Variants in SPTBN4 observed in about 807,000 individuals in gnomAD.
The protein encoded by SPTBN4 is spectrin beta chain, non-erythrocytic 4.
Under a neutral mutation model 277.8 loss-of-function variants are expected in SPTBN4, and 96 were observed. That is an observed-to-expected ratio of 0.35 (90% confidence interval 0.29 to 0.41). The LOEUF (loss-of-function observed/expected upper bound fraction) is 0.41, where lower values mean the gene tolerates loss of function less well. Ranked by LOEUF, SPTBN4 falls within the 10% of genes least tolerant of loss-of-function variation. The pLI, the probability that SPTBN4 is intolerant of heterozygous loss-of-function variation, is 1.00. For synonymous variants in SPTBN4, 1,481 were observed against 1,580.3 expected (o/e 0.94, Z 1.49); for missense variants, 3,006 against 3,595.7 (o/e 0.84, Z 4.19).
rs769416578 is a variant in SPTBN4, at chr19:40,534,163, G to A, written c.4179G>A (p.Ala1393=). The change falls in exon 20 of 36, where the codon GCG becomes GCA. Residue 1393 remains alanine, a synonymous_variant. Transcript: ENST00000598249. ...TGGGCGAGATCCGCCAGTGCTGGGC[G>A]GAGCTGGAGAGCACCACCCAGGCCA... The part of the protein sequence containing the change: ...KKLGEIRQCW[A]ELESTTQAKA... 1.2e-5 allele frequency: 20 copies of A among 1,613,300 alleles called. No homozygotes were observed. The highest frequency in any genetic ancestry group is 1.6e-4 in the Middle Eastern group (1 of 6,084).
chr19:40,560,451 C>T lies in SPTBN4; in HGVS notation c.5915+48C>T. 3.1e-6 allele frequency: 5 copies of T among 1,610,968 alleles called. No individual in the cohort carries two copies. The highest frequency in any genetic ancestry group is 1.3e-5 in the African/African-American group (1 of 74,992). On this transcript the variant is annotated intron_variant, in intron 27 of 35. Transcript: ENST00000598249. This position sits in a 1 kb window ranked among gnomAD's most constrained non-coding sequence, Gnocchi z 5.2. ...CTTCCTGCCTCCCCCTGGTGGCCTA[C>T]CCCAGCCACCCCCAGCCCATTGACA...
At chr19:40,497,751 T>C in intron 7 of SPTBN4, 147 bp downstream of exon 7, 1 of 662,450 alleles carries the variant, frequency 1.5e-6, no homozygotes, top group Non-Finnish European at 2.7e-6. Context: ...CCCAACTGTC[T>C]CCTCAGCCTC....
chr19:40,550,168 A>G, intron 21 of SPTBN4, 70 bp from the exon 22 acceptor site: 2 of 1,346,908 alleles, frequency 1.5e-6, no homozygotes, highest in Non-Finnish European at 2.1e-6. Context: ...GTGCAGGTTT[A>G]AAGTTTAGTT....
intron 15 of SPTBN4, among the ~76,000 whole-genome samples, chr19:40,517,328 C>T (rs1334696790): frequency 4.6e-5 from 7 of 150,906 alleles, no homozygotes; most frequent in Non-Finnish European, 2.9e-5. Context: ...CTTGCTCTTT[C>T]GCCCAGACTG....
intron 12 of SPTBN4, among the ~76,000 whole-genome samples, chr19:40,505,263 C>T (rs1041751868): frequency 6.8e-6 from 1 of 147,786 alleles, no homozygotes. Flanking sequence ...TGGTGGTGTG[C>T]GCTTGTAGTC....
At chr19:40,509,844 G>A (rs759779759) in intron 13 of SPTBN4, among the ~76,000 whole-genome samples, 5 of 152,190 alleles carry the variant, frequency 3.3e-5, no homozygotes, top group Non-Finnish European at 7.3e-5. Context: ...TGCAAATGCT[G>A]AAGTTTCCCT....
rs1321101171 is a variant in SPTBN4, at chr19:40,515,315, G to C, written c.2770G>C (p.Glu924Gln). 3.7e-6 allele frequency: 6 copies of C among 1,612,594 alleles called. No homozygotes were observed. Among genetic ancestry groups the C allele is most frequent in the Non-Finnish European group, 5.1e-6 (6 of 1,179,468 alleles). ...DDVEVVQHRF[E>Q]SLDQEMNSLM... is the part of the protein sequence containing the mutation. ...AGCATCTCCATCCTCCTGCAGATTC[G>C]AGAGCCTGGACCAAGAGATGAACAG... Residue 924 changes from glutamate (E) to glutamine (Q), a missense_variant, in exon 15 of 36, where the codon GAG (glutamate) becomes CAG (glutamine). By Grantham distance (29) the Glu-to-Gln change is conservative (BLOSUM62 2). This residue lies in a region of SPTBN4 where 1,759 missense variants were observed against 2,061.5 expected (regional missense o/e 0.85). Coordinates refer to ENST00000598249, the MANE Select transcript of SPTBN4 (RefSeq NM_020971.3). This position sits in a 1 kb window ranked among gnomAD's most constrained non-coding sequence, Gnocchi z 4.1.
intron 13 of SPTBN4, among the ~76,000 whole-genome samples, chr19:40,509,302 A>G (rs934908312): frequency 1.3e-5 from 2 of 151,926 alleles, no homozygotes; most frequent in East Asian, 3.9e-4. Flanking sequence ...CCAGATTGCA[A>G]TGGCGCGATC....
In SPTBN4 at chr19:40,484,518, T is replaced by G. The variant is rs77674554; in HGVS notation, c.170-3179T>G. 4.7e-3 allele frequency among the ~76,000 whole-genome samples: 716 copies of G among 152,314 alleles called. 4 individuals are homozygous for G. Among genetic ancestry groups the G allele is most frequent in the African/African-American group, 0.016 (672 of 41,572 alleles). On this transcript the variant is annotated intron_variant, in intron 2 of 35. Transcript: ENST00000598249. Reference sequence around the variant, plus strand: ...AAGACTTAGCTCAGAGAGGTCAGTGTACATTCCAGGTTAATTTCATCTTGT... The same window carrying G: ...AAGACTTAGCTCAGAGAGGTCAGTGGACATTCCAGGTTAATTTCATCTTGT...
Position 40,526,057 on chromosome 19 carries a change from T to A in SPTBN4, c.3857+2418T>A, listed in dbSNP as rs553787777. Reference sequence around the variant, plus strand: ...GCTGGGGACTGGGGCCCTGGGGCCCTGGGGGTCTTAGACCTGGCTTCACCC... The same window carrying A: ...GCTGGGGACTGGGGCCCTGGGGCCCAGGGGGTCTTAGACCTGGCTTCACCC... On this transcript the variant is annotated intron_variant, in intron 17 of 35. Transcript: ENST00000598249. 4.0e-5 allele frequency among the ~76,000 whole-genome samples: 6 copies of A among 151,898 alleles called. No homozygotes were observed. The East Asian group carries it at 1.2e-3, about 29-fold the overall frequency.
At position 40,511,251 on chromosome 19, in the gene SPTBN4, A is replaced by G. The variant is rs1462720216; in HGVS notation, c.1817-1355A>G. On this transcript the variant is annotated intron_variant, in intron 13 of 35. Transcript: ENST00000598249. The stretch of plus-strand genomic sequence containing the variant: ...AAACCCCATCTCTACTAAAAATACA[A>G]AAAAAAATTAGCTGGACATGGTGGC... Among the ~76,000 whole-genome samples, 15 of 44,540 alleles carry G rather than the reference A, an allele frequency of 3.4e-4. 1 individual carries two copies. In the African/African-American group the frequency reaches 5.2e-3, roughly 15 times the overall value. The allele number at this position is 44,540 out of a possible 152,430, so 29.2% of individuals were successfully genotyped here.
rs1364897533 is a variant in SPTBN4 at position 40,513,899 on chromosome 19, GACCTA to G, written c.2765+346_2765+350del. ...TACATTCGCCAAGCATGAAATCAACGACCTATGCTTCTACAGGGACACCTCAGCCT... is the reference window on the plus strand; with the variant it reads ...TACATTCGCCAAGCATGAAATCAACGTGCTTCTACAGGGACACCTCAGCCT... On this transcript the variant is annotated intron_variant, in intron 14 of 35. Transcript: ENST00000598249. Among the ~76,000 whole-genome samples the G allele has an allele frequency of 1.2e-3, 187 of 152,230 alleles. 1 individual carries two copies. The highest frequency in any genetic ancestry group is 4.4e-3 in the African/African-American group (181 of 41,544).
At chr19:40,574,233 A>G (rs1485193812) in intron 35 of SPTBN4, among the ~76,000 whole-genome samples, 1 of 152,112 alleles carries the variant, frequency 6.6e-6, no homozygotes, top group Non-Finnish European at 1.5e-5. Flanking sequence ...GCTGGGCCAC[A>G]CAGGCCTGTG....
intron 5 of SPTBN4, 137 bp from the exon 6 acceptor site, chr19:40,494,760 A>G (rs2080177102): frequency 1.4e-6 from 1 of 714,922 alleles, no homozygotes; most frequent in Admixed American, 2.4e-5. Context: ...ACACCCACCC[A>G]TCCATCCATC....
chr19:40,565,696 G>A lies in SPTBN4; in HGVS notation c.6090G>A (p.Lys2030=). Reference sequence around the variant, plus strand: ...AGCTGGACAAGCTGGGAACCAGGAAGGAGGAGGTGTCGGAAAAGTGGGACC... The same window carrying A: ...AGCTGGACAAGCTGGGAACCAGGAAAGAGGAGGTGTCGGAAAAGTGGGACC... ...QAQLDKLGTR[K]EEVSEKWDRH... is the part of the protein sequence containing the mutation. The change falls in exon 29 of 36, where the codon AAG becomes AAA. Residue 2030 remains lysine, a synonymous_variant. Transcript: ENST00000598249. 1.3e-6 allele frequency: 2 copies of A among 1,555,020 alleles called. No individual in the cohort carries two copies. Among genetic ancestry groups the A allele is most frequent in the Non-Finnish European group, 1.7e-6 (2 of 1,148,802 alleles).
rs1391658475 is a variant in SPTBN4 at position 40,513,896 on chromosome 19, A to ATG, written c.2765+342_2765+343insTG. ...GCTTACATTCGCCAAGCATGAAATC[A>ATG]ACGACCTATGCTTCTACAGGGACAC... On this transcript the variant is annotated intron_variant, in intron 14 of 35. Transcript: ENST00000598249. Among the ~76,000 whole-genome samples the ATG allele has an allele frequency of 1.2e-3, 188 of 152,256 alleles. 1 individual carries two copies. Among genetic ancestry groups the ATG allele is most frequent in the African/African-American group, 4.4e-3 (182 of 41,558 alleles).
At chr19:40,481,232 T>G (rs1470927468) in intron 2 of SPTBN4, among the ~76,000 whole-genome samples, 2 of 152,152 alleles carry the variant, frequency 1.3e-5, no homozygotes, top group African/African-American at 4.8e-5. Flanking sequence ...TATCTGTTGT[T>G]GTTAATTGAG....
At chr19:40,493,917 A>G (rs181719744) in intron 5 of SPTBN4, among the ~76,000 whole-genome samples, 4 of 152,206 alleles carry the variant, frequency 2.6e-5, no homozygotes, top group African/African-American at 9.6e-5. Context: ...CCTCAGTGCT[A>G]TGTCCAAGCT....
intron 6 of SPTBN4, among the ~76,000 whole-genome samples, chr19:40,496,056 C>T (rs991965571): frequency 6.6e-6 from 1 of 152,228 alleles, no homozygotes; most frequent in Non-Finnish European, 1.5e-5. Flanking sequence ...GTTTTCTATG[C>T]ACAGGCACTG....
Sources: gnomAD v4.1 joint callset for allele counts (sites outside exome capture counted in the v4.1 genomes callset) on GRCh38, gnomAD v4.1.1 for gene constraint, gnomAD v4.1.1 regional missense constraint, Gnocchi (gnomAD v3.1) non-coding constraint, MANE v1.5 for transcripts, NCBI Gene and HGNC (gene_info 2026-07-23, HGNC 2026-07-21) for gene names.